Variants in ASTN2 observed in about 807,000 individuals in gnomAD.
The protein encoded by ASTN2 is astrotactin 2.
In ASTN2, 54 loss-of-function variants were observed where a neutral mutation model predicts 139.8. The ratio of observed to expected loss-of-function variants is 0.39; its 90% CI spans 0.31 to 0.48. The LOEUF (loss-of-function observed/expected upper bound fraction) is 0.48, where lower values mean the gene tolerates loss of function less well. Ranked by LOEUF, ASTN2 falls within the 20% of genes least tolerant of loss-of-function variation. ASTN2 has a pLI of 0.95. For missense variants in ASTN2, 1,565 were observed against 1,725.1 expected (o/e 0.91, Z 1.64); for synonymous variants, 756 against 719.5 (o/e 1.05, Z -0.81).
chr9:116,759,603 C>T (rs563617220), intron 13 of ASTN2, among the ~76,000 whole-genome samples: 51 of 152,208 alleles, frequency 3.4e-4, no homozygotes, highest in Non-Finnish European at 5.9e-4. Flanking sequence ...ATACTGATGA[C>T]GCTTTTACTT....
intron 13 of ASTN2, among the ~76,000 whole-genome samples, chr9:116,790,050 C>A (rs184567205): frequency 6.6e-6 from 1 of 151,520 alleles, no homozygotes; most frequent in African/African-American, 2.4e-5. Context: ...CTCAGCCTCC[C>A]GAGTAGTTTG....
intron 5 of ASTN2, among the ~76,000 whole-genome samples, chr9:117,080,208 C>T (rs1437271727): frequency 6.6e-6 from 1 of 152,092 alleles, no homozygotes; most frequent in Non-Finnish European, 1.5e-5. Context: ...CTACATATTT[C>T]TTTTTTAAAT....
At chr9:117,206,107 G>A (rs1201295726) in intron 3 of ASTN2, among the ~76,000 whole-genome samples, 2 of 152,144 alleles carry the variant, frequency 1.3e-5, no homozygotes. Context: ...AACAAGAAAG[G>A]ACCAAAGCAA....
intron 11 of ASTN2, among the ~76,000 whole-genome samples, chr9:116,833,559 G>A (rs1338530509): frequency 6.6e-6 from 1 of 151,600 alleles, no homozygotes; most frequent in Non-Finnish European, 1.5e-5. Context: ...ACACAGATAT[G>A]TTAAAAGAAA....
intron 10 of ASTN2, among the ~76,000 whole-genome samples, chr9:116,963,682 C>T (rs896231911): frequency 2.6e-5 from 4 of 152,092 alleles, no homozygotes; most frequent in Admixed American, 6.5e-5. Context: ...TGGGGCTTTC[C>T]TCCATTTGCT....
Position 116,677,306 on chromosome 9 carries a change from T to C in ASTN2, c.2807-25513A>G, listed in dbSNP as rs74571862. ...AAGACAGAGGAGGCACCATAGACCCTGTTTTGGAAAAAAAAACCTCTGTTT... is the reference window on the plus strand; with the variant it reads ...AAGACAGAGGAGGCACCATAGACCCCGTTTTGGAAAAAAAAACCTCTGTTT... On this transcript the variant is annotated intron_variant, in intron 16 of 22. Transcript: ENST00000313400. Among the ~76,000 whole-genome samples the C allele has an allele frequency of 0.019, 2,887 of 152,064 alleles. 392 individuals are homozygous for C. In the South Asian group the frequency reaches 0.29, roughly 15 times the overall value.
At chr9:116,948,741 AAAAC>A (rs1369875723) in intron 10 of ASTN2, among the ~76,000 whole-genome samples, 2 of 145,404 alleles carry the variant, frequency 1.4e-5, no homozygotes, top group South Asian at 2.2e-4. Context: ...AAGAGACAGA[AAAAC>A]AGAGACAGAG....
At chr9:117,390,358 C>T (rs1383397067) in intron 1 of ASTN2, among the ~76,000 whole-genome samples, 1 of 152,142 alleles carries the variant, frequency 6.6e-6, no homozygotes, top group Non-Finnish European at 1.5e-5. Flanking sequence ...TTATTAACTA[C>T]AGTCCATGGT....
chr9:117,390,001 C>T (rs1564180219), intron 1 of ASTN2, among the ~76,000 whole-genome samples: 2 of 152,040 alleles, frequency 1.3e-5, no homozygotes, highest in Non-Finnish European at 2.9e-5. Context: ...GAAGGTGGAA[C>T]CAGGCCAAGC....
chr9:116,493,746 G>A (rs140099259), intron 19 of ASTN2, among the ~76,000 whole-genome samples: 2 of 152,286 alleles, frequency 1.3e-5, no homozygotes, highest in East Asian at 3.9e-4. Context: ...AAAACAGGTT[G>A]GGAGAAAAGC....
chr9:116,523,942 T>C (rs1277370660), intron 19 of ASTN2, among the ~76,000 whole-genome samples: 1 of 152,218 alleles, frequency 6.6e-6, no homozygotes, highest in African/African-American at 2.4e-5. Context: ...GGGTTACAGA[T>C]GCATGGACTA....
chr9:117,012,720 C>T (rs1334075), intron 6 of ASTN2, among the ~76,000 whole-genome samples: 147,634 of 152,272 alleles, frequency 0.97, 71,718 homozygotes, highest in East Asian at 1. Flanking sequence ...ATGAACTGTT[C>T]CCTCCAGAGT....
At chr9:116,828,874 A>T (rs146989519) in intron 11 of ASTN2, among the ~76,000 whole-genome samples, 1 of 152,302 alleles carries the variant, frequency 6.6e-6, no homozygotes, top group African/African-American at 2.4e-5. Flanking sequence ...CTATACACCA[A>T]TCTAGCTGAG....
chr9:117,354,882 C>T (rs1287096084), intron 1 of ASTN2, among the ~76,000 whole-genome samples: 3 of 152,154 alleles, frequency 2.0e-5, no homozygotes, highest in African/African-American at 7.2e-5. Context: ...AAAATAAATG[C>T]CCTAGTTATA....
At chr9:117,319,610 T>G (rs939507435) in intron 1 of ASTN2, among the ~76,000 whole-genome samples, 1 of 135,534 alleles carries the variant, frequency 7.4e-6, no homozygotes, top group Non-Finnish European at 1.6e-5. Flanking sequence ...TTTTTTTTTT[T>G]AATGTAGAGA....
chr9:116,794,957 T>A (rs1353728365), intron 13 of ASTN2, among the ~76,000 whole-genome samples: 2 of 152,132 alleles, frequency 1.3e-5, no homozygotes, highest in South Asian at 4.1e-4. Flanking sequence ...TATCGTTAAA[T>A]GTTTTTGTTT....
intron 20 of ASTN2, among the ~76,000 whole-genome samples, chr9:116,468,449 AGC>A (rs1848716704): frequency 6.6e-6 from 1 of 152,208 alleles, no homozygotes; most frequent in Non-Finnish European, 1.5e-5. Context: ...CTTACCAACC[AGC>A]ATCAGGAAGG....
chr9:117,384,422 C>T (rs1475277628), intron 1 of ASTN2, among the ~76,000 whole-genome samples: 1 of 152,198 alleles, frequency 6.6e-6, no homozygotes, highest in East Asian at 1.9e-4. Context: ...GAGATCTTCA[C>T]TCCAATGTTA....
chr9:116,555,167 A>G (rs1852545468), intron 19 of ASTN2, among the ~76,000 whole-genome samples: 1 of 152,180 alleles, frequency 6.6e-6, no homozygotes, highest in African/African-American at 2.4e-5. Flanking sequence ...AGAGACTGAA[A>G]AGGCTAAAGT....
Sources: gnomAD v4.1 joint callset for allele counts (sites outside exome capture counted in the v4.1 genomes callset) on GRCh38, gnomAD v4.1.1 for gene constraint, MANE v1.5 for transcripts, NCBI Gene and HGNC (gene_info 2026-07-23, HGNC 2026-07-21) for gene names.